The following MAU2 variants were observed in gnomAD, a reference collection of about 807,000 sequenced individuals.
The protein encoded by MAU2 is MAU2 sister chromatid cohesion factor.
A neutral mutation model predicts 89.1 loss-of-function variants in MAU2; 9 were observed. The ratio of observed to expected loss-of-function variants is 0.10; its 90% CI spans 0.06 to 0.18. The LOEUF (loss-of-function observed/expected upper bound fraction) is 0.18, where lower values mean the gene tolerates loss of function less well. Ranked by LOEUF, MAU2 falls within the 10% of genes least tolerant of loss-of-function variation. MAU2 has a pLI of 1.00. For missense variants in MAU2, 425 were observed against 803.5 expected, an observed-to-expected ratio of 0.53 and a Z score of 5.69; for synonymous variants, 357 against 343.4, an observed-to-expected ratio of 1.04 and a Z score of -0.44.
chr19:19,326,522 TA>T (rs1458501538), intron 1 of MAU2, among the ~76,000 whole-genome samples: 3 of 150,836 alleles, frequency 2.0e-5, no homozygotes, highest in South Asian at 2.1e-4. Flanking sequence ...CTGTCTCTAC[TA>T]AAAAATACAA....
intron 5 of MAU2, 36 bp downstream of exon 5, chr19:19,338,975 T>C: frequency 6.6e-7 from 1 of 1,524,920 alleles, no homozygotes. Context: ...TCCTGCTCTG[T>C]TAACAGGAGG....
Position 19,336,114 on chromosome 19 carries a change from G to A in MAU2, c.295-8G>A, listed in dbSNP as rs1427691235. The A allele has an allele frequency of 4.3e-6, 7 of 1,610,150 alleles. No homozygotes were observed. Among genetic ancestry groups the A allele is most frequent in the East Asian group, 2.2e-5 (1 of 44,856 alleles). On this transcript the variant is annotated splice_region_variant and splice_polypyrimidine_tract_variant and intron_variant, in intron 2 of 18. Coordinates refer to ENST00000262815, the MANE Select transcript of MAU2 (RefSeq NM_015329.4). ...AGTGTCTGTACTTCCTTAACTGGACGTCACTAGATCCCGCAGTTCGAAGAT... is the reference window on the plus strand; with the variant it reads ...AGTGTCTGTACTTCCTTAACTGGACATCACTAGATCCCGCAGTTCGAAGAT...
At chr19:19,351,794 C>T (rs540839855) in intron 16 of MAU2, among the ~76,000 whole-genome samples, 2 of 151,918 alleles carry the variant, frequency 1.3e-5, no homozygotes, top group South Asian at 4.2e-4. Context: ...TCCCACTGCC[C>T]ACGTCTCCCA....
intron 6 of MAU2, 136 bp downstream of exon 6, chr19:19,341,009 C>A: frequency 8.1e-7 from 1 of 1,233,704 alleles, no homozygotes; most frequent in Non-Finnish European, 1.1e-6. Context: ...GCACAGTGAG[C>A]AGCCTGGAAT....
intron 2 of MAU2, 37 bp from the exon 3 acceptor site, chr19:19,336,085 T>C: frequency 1.3e-6 from 2 of 1,538,892 alleles, no homozygotes; most frequent in Non-Finnish European, 1.8e-6. Flanking sequence ...CCGACCTTTT[T>C]CGCAGTGTCT....
chr19:19,346,533 T>A (rs780251602), intron 12 of MAU2, among the ~76,000 whole-genome samples: 2 of 152,082 alleles, frequency 1.3e-5, no homozygotes, highest in South Asian at 2.1e-4. Flanking sequence ...ATCTCCCACC[T>A]TGCTACGTCT....
intron 17 of MAU2, 61 bp downstream of exon 17, chr19:19,354,506 C>A: frequency 6.9e-7 from 1 of 1,446,406 alleles, no homozygotes; most frequent in South Asian, 1.1e-5. Context: ...GAGATCAAGG[C>A]TGCTGGGCAT....
At chr19:19,325,902 C>G (rs2061500224) in intron 1 of MAU2, among the ~76,000 whole-genome samples, 1 of 152,102 alleles carries the variant, frequency 6.6e-6, no homozygotes, top group Admixed American at 6.6e-5. Flanking sequence ...TTTGCTTTCT[C>G]TCTAAGAGAC....
intron 1 of MAU2, among the ~76,000 whole-genome samples, chr19:19,323,528 A>G (rs2061481428): frequency 6.6e-6 from 1 of 150,754 alleles, no homozygotes; most frequent in Non-Finnish European, 1.5e-5. Context: ...TTATTTTGAG[A>G]CAGGGTCTCG....
rs202168772 is a variant in MAU2, at chr19:19,337,282, G to A, written c.456+17G>A. 32 of 1,603,428 alleles carry A rather than the reference G, an allele frequency of 2.0e-5. No homozygotes were observed. The highest frequency in any genetic ancestry group is 1.2e-4 in the Admixed American group (7 of 59,750). On this transcript the variant is annotated intron_variant, in intron 4 of 18. Transcript: ENST00000262815. ...CAGCTCGCTGTGAGTACCGCGGCCCGGGAACGAGGGTGCCCGGCAGGGACC... is the reference window on the plus strand; with the variant it reads ...CAGCTCGCTGTGAGTACCGCGGCCCAGGAACGAGGGTGCCCGGCAGGGACC...
intron 1 of MAU2, among the ~76,000 whole-genome samples, chr19:19,322,731 A>T (rs1477655350): frequency 6.6e-6 from 1 of 151,936 alleles, no homozygotes; most frequent in Non-Finnish European, 1.5e-5. Context: ...CTGCTTGAAT[A>T]GAAAATTATT....
chr19:19,322,891 A>AT (rs2061473108), intron 1 of MAU2, among the ~76,000 whole-genome samples: 1 of 151,946 alleles, frequency 6.6e-6, no homozygotes, highest in African/African-American at 2.4e-5. Context: ...ATTTTATTTT[A>AT]TTTATTTGTT....
Position 19,355,324 on chromosome 19 carries a change from A to C in MAU2, c.1700A>C (p.Asn567Thr). The change falls in exon 18 of 19, where the codon AAC becomes ACC. Residue 567 changes from asparagine to threonine, a missense_variant. Around this residue, in one of 11 missense-constraint regions of MAU2, gnomAD observed 33 missense variants for 94.1 expected, o/e 0.35. Coordinates refer to ENST00000262815, the MANE Select transcript of MAU2 (RefSeq NM_015329.4). ...CATGAAGCCGCCCAGATGCACCAGA[A>C]CTTCTCGCAGCAGCTGCTCCAGGAC... ...DAHEAAQMHQ[N>T]FSQQLLQDHI... 6.2e-7 allele frequency: 1 copy of C among 1,614,070 alleles called. No individual in the cohort carries two copies. The highest frequency in any genetic ancestry group is 8.5e-7 in the Non-Finnish European group (1 of 1,179,984).
chr19:19,350,740 A>G (rs944580248), intron 16 of MAU2, among the ~76,000 whole-genome samples: 21 of 152,012 alleles, frequency 1.4e-4, no homozygotes, highest in African/African-American at 4.8e-4. Context: ...CTCTACTAAA[A>G]ATACAAAAAA....
At chr19:19,322,332 C>T (rs142133543) in intron 1 of MAU2, among the ~76,000 whole-genome samples, 2 of 152,286 alleles carry the variant, frequency 1.3e-5, no homozygotes, top group East Asian at 1.9e-4. Flanking sequence ...GGCTCAGTGG[C>T]TTATGTCTGT....
rs184446545 is a variant in MAU2, at chr19:19,321,531, C to T, written c.276+396C>T. 22 of 169,986 alleles carry T rather than the reference C, an allele frequency of 1.3e-4. 2 individuals carry two copies. Among genetic ancestry groups the T allele is most frequent in the African/African-American group, 5.2e-4 (22 of 42,234 alleles). 10.5% of individuals were successfully genotyped at this position (169,986 alleles called of 1,614,324 possible). ...CTGGTTCAGCTTCCGGAGCATCAGC[C>T]CCAAACGCTTCCACCTAAAGTGACT... On this transcript the variant is annotated intron_variant, in intron 1 of 18. Coordinates refer to ENST00000262815, the MANE Select transcript of MAU2 (RefSeq NM_015329.4).
At chr19:19,354,497 AG>A (rs752562817) in intron 17 of MAU2, 52 bp downstream of exon 17, 2 of 1,498,712 alleles carry the variant, frequency 1.3e-6, no homozygotes, top group Non-Finnish European at 1.8e-6. Context: ...CCCTCCCCAG[AG>A]ATCAAGGCTG....
chr19:19,340,130 A>C (rs924977324), intron 5 of MAU2, among the ~76,000 whole-genome samples: 1 of 148,924 alleles, frequency 6.7e-6, no homozygotes, highest in African/African-American at 2.5e-5. Flanking sequence ...GCGCCACTGC[A>C]CTCCAGCCTG....
At chr19:19,330,822 GC>G (rs542585742) in intron 1 of MAU2, among the ~76,000 whole-genome samples, 4 of 152,152 alleles carry the variant, frequency 2.6e-5, no homozygotes, top group Non-Finnish European at 5.9e-5. Flanking sequence ...GATCTCTTGA[GC>G]CCAGGAGTTT....
Sources: gnomAD v4.1 joint callset for allele counts (sites outside exome capture counted in the v4.1 genomes callset) on GRCh38, gnomAD v4.1.1 for gene constraint, gnomAD v4.1.1 regional missense constraint, MANE v1.5 for transcripts, NCBI Gene and HGNC (gene_info 2026-07-23, HGNC 2026-07-21) for gene names.